The following LYG1 variants were observed in gnomAD, a reference collection of about 807,000 sequenced individuals.
LYG1 encodes the protein lysozyme g1.
LYG1 carries 17 observed loss-of-function variants against 21.7 expected under a neutral mutation model. The ratio of observed to expected loss-of-function variants is 0.78; its 90% CI spans 0.54 to 1.18. The LOEUF is 1.18. Among genes scored for constraint, LYG1 ranks in the 50% most tolerant of loss-of-function variants. The probability of loss-of-function intolerance (pLI) is 0.00; values close to 1 mark genes in which losing one functional copy is unlikely to be tolerated. For missense variants in LYG1, 211 were observed against 238.1 expected, an observed-to-expected ratio of 0.89 and a Z score of 0.75; for synonymous variants, 81 against 87.4, an observed-to-expected ratio of 0.93 and a Z score of 0.41.
At chr2:99,287,540 C>T (rs2094104119) in intron 5 of LYG1, among the ~76,000 whole-genome samples, 1 of 152,008 alleles carries the variant, frequency 6.6e-6, no homozygotes, top group Non-Finnish European at 1.5e-5. Context: ...GGAAAAAAGG[C>T]TTTCTTTTTT....
Position 99,291,229 on chromosome 2 carries a change from A to T in LYG1, c.333+8T>A, listed in dbSNP as rs1352614207. The T allele has an allele frequency of 6.2e-7, 1 of 1,612,198 alleles. No homozygotes were observed. Among genetic ancestry groups the T allele is most frequent in the Non-Finnish European group, 8.5e-7 (1 of 1,178,958 alleles). On this transcript the variant is annotated splice_region_variant and intron_variant, in intron 5 of 6. Coordinates refer to ENST00000308528, the MANE Select transcript of LYG1 (RefSeq NM_174898.3). ...AATGGCCACATGTGTCAACGGATGA[A>T]GAGTTACCTGCACCATGCTAGTCCT...
At chr2:99,298,644 C>T (rs2094144466) in intron 1 of LYG1, 95 bp from the exon 2 acceptor site, 1 of 152,196 alleles carries the variant, frequency 6.6e-6, no homozygotes, top group African/African-American at 2.4e-5. Flanking sequence ...TGAACAGTAT[C>T]ATTGCAGGTC....
upstream of LYG1, among the ~76,000 whole-genome samples, chr2:99,303,875 A>G (rs540913577): frequency 9.6e-4 from 146 of 151,496 alleles, 1 homozygote; most frequent in Non-Finnish European, 1.2e-3. Flanking sequence ...TGATGATTTT[A>G]TAAGAAGAAA....
rs1461276471 is a variant in LYG1 at position 99,295,626 on chromosome 2, A to ACC, written c.43_43+1dup. 1 of 1,614,166 alleles carries ACC rather than the reference A, an allele frequency of 6.2e-7. No individual in the cohort carries two copies. Among genetic ancestry groups the ACC allele is most frequent in the Admixed American group, 1.7e-5 (1 of 60,018 alleles). On this transcript the variant is annotated splice_donor_variant, in intron 3 of 6. Coordinates refer to ENST00000308528, the MANE Select transcript of LYG1 (RefSeq NM_174898.3). LOFTEE classifies it high-confidence loss of function. The stretch of plus-strand genomic sequence containing the variant: ...TCATTTGTAAAAATCAGCCACACTC[A>ACC]CCCATCAGGGCAAGGAGGCCCAGCA...
In LYG1 at chr2:99,284,723, C is replaced by T; in HGVS notation, c.431G>A (p.Arg144Lys). Residue 144 changes from arginine (R) to lysine (K), a missense_variant, in exon 6 of 7, where the codon AGG becomes AAG. Coordinates refer to ENST00000308528, the MANE Select transcript of LYG1 (RefSeq NM_174898.3). ...LTTRIKEIQR[R>K]FPTWTPDQYL... ...CTGGTCAGGGGTCCAGGTTGGAAAC[C>T]TCCTCTGGATTTCTTTGATTCTAGT... 6.2e-7 allele frequency: 1 copy of T among 1,614,152 alleles called. No homozygotes were observed. Among genetic ancestry groups the T allele is most frequent in the African/African-American group, 1.3e-5 (1 of 75,050 alleles).
intron 3 of LYG1, 143 bp downstream of exon 3, chr2:99,295,485 T>C: frequency 2.0e-6 from 2 of 982,722 alleles, no homozygotes; most frequent in Non-Finnish European, 1.6e-6. Flanking sequence ...TGTTGGTGGC[T>C]GTTCCTAACT....
chr2:99,294,268 A>G (rs1362530616), intron 3 of LYG1, among the ~76,000 whole-genome samples: 1 of 152,226 alleles, frequency 6.6e-6, no homozygotes. Context: ...TAGATTATCA[A>G]ACCTTAATGA....
rs565410351 is a variant in LYG1, at chr2:99,295,480, G to A, written c.43+148C>T. On this transcript the variant is annotated intron_variant, in intron 3 of 6. Coordinates refer to ENST00000308528, the MANE Select transcript of LYG1 (RefSeq NM_174898.3). ...ACATTTGGGGAGAGGCTGATTGTTG[G>A]TGGCTGTTCCTAACTCCAGGATTTG... is the stretch of plus-strand genomic sequence containing the variant. The A allele has an allele frequency of 3.2e-6, 3 of 944,430 alleles. No homozygotes were observed. The South Asian group carries it at 4.4e-5, about 14-fold the overall frequency. The allele number at this position is 944,430 out of a possible 1,614,324, so 58.5% of individuals were successfully genotyped here. A position where few individuals can be genotyped will look rare whatever the true frequency, so the allele number is the denominator to read the frequency against.
upstream of LYG1, among the ~76,000 whole-genome samples, chr2:99,302,270 C>T (rs1276229546): frequency 6.6e-6 from 1 of 152,188 alleles, no homozygotes; most frequent in East Asian, 1.9e-4. Context: ...CCTGCCTTAG[C>T]TCCCTCCCCA....
intron 3 of LYG1, among the ~76,000 whole-genome samples, chr2:99,293,997 C>A (rs919272507): frequency 1.3e-5 from 2 of 152,106 alleles, no homozygotes; most frequent in African/African-American, 4.8e-5. Context: ...TCATGGCTCA[C>A]CACAGCCTCA....
At chr2:99,289,876 T>C (rs191865196) in intron 5 of LYG1, among the ~76,000 whole-genome samples, 2 of 151,842 alleles carry the variant, frequency 1.3e-5, no homozygotes, top group Non-Finnish European at 2.9e-5. Flanking sequence ...TGTTGTTTTT[T>C]GAGATGGAGT....
chr2:99,299,505 C>T (rs1262729086), intron 1 of LYG1, among the ~76,000 whole-genome samples: 1 of 150,718 alleles, frequency 6.6e-6, no homozygotes, highest in African/African-American at 2.4e-5. Context: ...CTCACTGCAC[C>T]CTCGACCTGC....
intron 2 of LYG1, among the ~76,000 whole-genome samples, chr2:99,297,735 G>A (rs1243397025): frequency 6.6e-6 from 1 of 151,956 alleles, no homozygotes; most frequent in Non-Finnish European, 1.5e-5. Context: ...TTTTCTTAGA[G>A]CCAGAGTTTT....
intron 5 of LYG1, 48 bp downstream of exon 5, chr2:99,291,188 TG>T (rs2094116912): frequency 6.4e-7 from 1 of 1,568,316 alleles, no homozygotes; most frequent in Admixed American, 1.7e-5. Flanking sequence ...AACAAAGCAG[TG>T]GTGCCACATA....
chr2:99,297,807 T>C (rs1180875903), intron 2 of LYG1, among the ~76,000 whole-genome samples: 1 of 152,192 alleles, frequency 6.6e-6, no homozygotes, highest in Non-Finnish European at 1.5e-5. Flanking sequence ...CTTGACCTCC[T>C]GGGCTCAAGT....
rs140057677 is a variant in LYG1, at chr2:99,291,387, G to A, written c.183C>T (p.Asp61=). 824 of 1,614,160 alleles carry A rather than the reference G, an allele frequency of 5.1e-4. 6 individuals carry two copies. In the African/African-American group the frequency reaches 9.9e-3, roughly 19 times the overall value. ...GTTGATATTTCAGGAGGTATGGCAT[G>A]TCTATTTCAGCCAGCCTTTCAGAAG... ...VRASERLAEI[D]MPYLLKYQPM... The change falls in exon 5 of 7, where the codon GAC becomes GAT. Residue 61 remains aspartate, a synonymous_variant. Transcript: ENST00000308528.
At chr2:99,302,806 G>A (rs1559226768), upstream of LYG1, among the ~76,000 whole-genome samples, 3 of 152,002 alleles carry the variant, frequency 2.0e-5, no homozygotes, top group Non-Finnish European at 4.4e-5. Context: ...ATCACTTGAG[G>A]TCAGGAGTTC....
intron 5 of LYG1, among the ~76,000 whole-genome samples, chr2:99,289,207 C>A (rs1223799921): frequency 6.6e-6 from 1 of 152,108 alleles, no homozygotes; most frequent in Non-Finnish European, 1.5e-5. Context: ...CACCTGTAAT[C>A]CCAGCACTTT....
At chr2:99,292,459 C>G in intron 4 of LYG1, 77 bp downstream of exon 4, 1 of 1,115,978 alleles carries the variant, frequency 9.0e-7, no homozygotes, top group South Asian at 1.3e-5. Flanking sequence ...GGAACTCTTT[C>G]CAACACTCAG....
Sources: gnomAD v4.1 joint callset for allele counts (sites outside exome capture counted in the v4.1 genomes callset) on GRCh38, gnomAD v4.1.1 for gene constraint, MANE v1.5 for transcripts, NCBI Gene and HGNC (gene_info 2026-07-23, HGNC 2026-07-21) for gene names.